Variants in RBBP6 observed in about 807,000 individuals in gnomAD.
RBBP6 encodes the protein RB binding protein 6, ubiquitin ligase.
In RBBP6, 25 loss-of-function variants were observed where a neutral mutation model predicts 167.7. The ratio of observed to expected loss-of-function variants is 0.15; its 90% CI spans 0.11 to 0.21. The LOEUF (loss-of-function observed/expected upper bound fraction) is 0.21. RBBP6 is among the 10% of genes least tolerant of loss of function. The pLI, the probability that RBBP6 is intolerant of heterozygous loss-of-function variation, is 1.00. For missense variants in RBBP6, 1,868 were observed against 2,134.2 expected (o/e 0.88, Z 2.46); for synonymous variants, 789 against 735.8 (o/e 1.07, Z -1.17).
chr16:24,570,868 CT>C lies in RBBP6; in HGVS notation c.3810-3del, dbSNP rs1299215272. On this transcript the variant is annotated splice_region_variant and splice_polypyrimidine_tract_variant and intron_variant, in intron 17 of 17. Coordinates refer to ENST00000319715, the MANE Select transcript of RBBP6 (RefSeq NM_006910.5). ...CATTAATTAAAAATATTTTGTTATT[CT>C]TTTTAGTACGAGCTCAACTGGAGGC... is the stretch of plus-strand genomic sequence containing the variant. 7.0e-7 allele frequency: 1 copy of C among 1,428,538 alleles called. No homozygotes were observed. Among genetic ancestry groups the C allele is most frequent in the African/African-American group, 1.4e-5 (1 of 69,048 alleles). 88.5% of individuals were successfully genotyped at this position (1,428,538 alleles called of 1,614,324 possible). A position where few individuals can be genotyped will look rare whatever the true frequency, so the allele number is the denominator to read the frequency against.
At chr16:24,555,442 A>G (rs1248606239) in intron 4 of RBBP6, 173 bp from the exon 5 acceptor site, 5 of 570,052 alleles carry the variant, frequency 8.8e-6, no homozygotes, top group African/African-American at 7.6e-5. Context: ...CCTAAACATC[A>G]TGTAATTACC....
At chr16:24,553,810 T>TC in intron 4 of RBBP6, 2 of 252,816 alleles carry the variant, frequency 7.9e-6, no homozygotes, top group Admixed American at 5.3e-5. Context: ...TTATTTTTTT[T>TC]CCCTCATACA....
chr16:24,570,086 G>A lies in RBBP6; in HGVS notation c.3396G>A (p.Lys1132=), dbSNP rs758077429. 1.6e-5 allele frequency: 26 copies of A among 1,605,286 alleles called. No individual in the cohort carries two copies. The Admixed American group carries it at 4.2e-4, about 26-fold the overall frequency. ...KLTTKEEKAK[K]PNEKNKPLDN... Reference sequence around the variant, plus strand: ...CAACTAAGGAAGAAAAGGCCAAGAAGCCTAATGAGAAAAACAAACCACTTG... The same window carrying A: ...CAACTAAGGAAGAAAAGGCCAAGAAACCTAATGAGAAAAACAAACCACTTG... Residue 1132 remains lysine, a synonymous_variant, in exon 17 of 18, where the codon AAG becomes AAA. Coordinates refer to ENST00000319715, the MANE Select transcript of RBBP6 (RefSeq NM_006910.5).
At chr16:24,564,988 C>T (rs1360972669) in intron 14 of RBBP6, 123 bp downstream of exon 14, 7 of 1,399,622 alleles carry the variant, frequency 5.0e-6, no homozygotes, top group Non-Finnish European at 6.5e-6. Flanking sequence ...TGTGCTTATC[C>T]CTCTTAAGTC....
At chr16:24,560,266 C>A (rs2141469879) in intron 8 of RBBP6, among the ~76,000 whole-genome samples, 1 of 152,150 alleles carries the variant, frequency 6.6e-6, no homozygotes, top group Admixed American at 6.5e-5. Context: ...GCCACCACAC[C>A]CGGCTAATGT....
chr16:24,567,407 A>C lies in RBBP6; in HGVS notation c.1854A>C (p.Ser618=). ...PANLSTPWVS[S]GVQTAHSNTI... ...ATTTATCAACACCTTGGGTATCATC[A>C]GGAGTGCAGACAGCTCATTCAAATA... The change falls in exon 15 of 18, where the codon TCA becomes TCC. Residue 618 remains serine, a synonymous_variant. Coordinates refer to ENST00000319715, the MANE Select transcript of RBBP6 (RefSeq NM_006910.5). The C allele has an allele frequency of 6.2e-7, 1 of 1,614,202 alleles. No individual in the cohort carries two copies. The highest frequency in any genetic ancestry group is 1.6e-4 in the Middle Eastern group (1 of 6,062).
chr16:24,547,837 A>G (rs996842554), intron 2 of RBBP6, among the ~76,000 whole-genome samples: 5 of 152,226 alleles, frequency 3.3e-5, no homozygotes, highest in East Asian at 1.9e-4. Flanking sequence ...TGCTTTTTAA[A>G]AAATGGCAAA....
Position 24,563,610 on chromosome 16 carries a change from G to A in RBBP6, c.1466G>A (p.Gly489Asp). The A allele has an allele frequency of 6.2e-7, 1 of 1,611,628 alleles. No homozygotes were observed. The highest frequency in any genetic ancestry group is 8.5e-7 in the Non-Finnish European group (1 of 1,179,442). Reference protein sequence around the residue: ...LLHGQLIPTTGPVRINTARPG... With the variant: ...LLHGQLIPTTDPVRINTARPG... ...TACTGCTTTTATTTTTTGTTTCTAG[G>A]TCCAGTAAGAATAAATACTGCTCGT... Residue 489 changes from glycine (G) to aspartate (D), a missense_variant and splice_region_variant, in exon 13 of 18, where the codon GGT becomes GAT. Physicochemically the swap from Gly to Asp is moderately conservative, Grantham distance 94 (BLOSUM62 -1). This residue lies in a region of RBBP6 where 245 missense variants were observed against 240.1 expected (regional missense o/e 1.02). Transcript: ENST00000319715.
At chr16:24,557,764 C>T (rs1330276522) in intron 7 of RBBP6, among the ~76,000 whole-genome samples, 1 of 152,192 alleles carries the variant, frequency 6.6e-6, no homozygotes, top group Non-Finnish European at 1.5e-5. Flanking sequence ...AACAGTTCCT[C>T]AGCTTCATGC....
intron 2 of RBBP6, among the ~76,000 whole-genome samples, chr16:24,547,840 A>T (rs1898696115): frequency 6.6e-6 from 1 of 152,232 alleles, no homozygotes; most frequent in Non-Finnish European, 1.5e-5. Context: ...TTTTTAAAAA[A>T]TGGCAAATGT....
intron 3 of RBBP6, chr16:24,553,305 C>T (rs931601380): frequency 4.3e-5 from 20 of 460,000 alleles, no homozygotes; most frequent in Non-Finnish European, 7.9e-5. Context: ...TCCCCTCTTC[C>T]TCCCCTCCAA....
At chr16:24,542,385 C>G (rs1898522124) in intron 1 of RBBP6, among the ~76,000 whole-genome samples, 1 of 151,798 alleles carries the variant, frequency 6.6e-6, no homozygotes, top group Non-Finnish European at 1.5e-5. Flanking sequence ...TCATATTTTA[C>G]TGGAGTATTA....
chr16:24,539,914 C>A lies in RBBP6; in HGVS notation c.-713C>A. The A allele has an allele frequency of 6.5e-6, 1 of 153,174 alleles. No individual in the cohort carries two copies. Among genetic ancestry groups the A allele is most frequent in the South Asian group, 1.8e-4 (1 of 5,588 alleles). The allele number at this position is 153,174 out of a possible 1,614,324, so 9.5% of individuals were successfully genotyped here. On this transcript the variant is annotated 5_prime_UTR_variant, in exon 1 of 18. Coordinates refer to ENST00000319715, the MANE Select transcript of RBBP6 (RefSeq NM_006910.5). ...CGAGGCCTAGCGCCGGCTTTGTGTC[C>A]GAGGCGGCGGCGGCGGCGGGGGGAG...
Position 24,570,977 on chromosome 16 carries a change from C to T in RBBP6, c.3911C>T (p.Thr1304Ile). ...ATGGAAGAATATAATAATGACAATA[C>T]CGCGCCAGCTGAAGATGTTATCATT... ...KTMEEYNNDN[T>I]APAEDVIIMI... The change falls in exon 18 of 18, where the codon ACC becomes ATC. Residue 1304 changes from threonine (T) to isoleucine (I), a missense_variant. Physicochemically the swap from Thr to Ile is moderately conservative, Grantham distance 89. Around this residue, in one of 7 missense-constraint regions of RBBP6, gnomAD observed 19 missense variants for 40.5 expected, o/e 0.47. Coordinates refer to ENST00000319715, the MANE Select transcript of RBBP6 (RefSeq NM_006910.5). 1.9e-6 allele frequency: 3 copies of T among 1,611,662 alleles called. No individual in the cohort carries two copies. Among genetic ancestry groups the T allele is most frequent in the South Asian group, 1.1e-5 (1 of 90,912 alleles).
chr16:24,545,793 A>G (rs1898630521), intron 1 of RBBP6, among the ~76,000 whole-genome samples: 1 of 152,252 alleles, frequency 6.6e-6, no homozygotes, highest in African/African-American at 2.4e-5. Context: ...CAGGGATTGT[A>G]ATACTCAACT....
chr16:24,569,264 GA>G lies in RBBP6; in HGVS notation c.2576del (p.Asn859ThrfsTer36). On this transcript the variant is annotated frameshift_variant, in exon 17 of 18. Transcript: ENST00000319715. LOFTEE classifies it high-confidence loss of function. Reference sequence around the variant, plus strand: ...AGCCTAGACCCTCAGCAAATAGAGAGAACTTTTCTCCAGAGAGATTTTTGCC... The same window carrying G: ...AGCCTAGACCCTCAGCAAATAGAGAGACTTTTCTCCAGAGAGATTTTTGCC... ...AQPRPSANRE[N>X]FSPERFLPLN... is the part of the protein sequence containing the mutation. 1 of 1,612,278 alleles carries G rather than the reference GA, an allele frequency of 6.2e-7. No individual in the cohort carries two copies. The highest frequency in any genetic ancestry group is 8.5e-7 in the Non-Finnish European group (1 of 1,179,620).
At chr16:24,562,188 G>C in intron 10 of RBBP6, 27 bp downstream of exon 10, 1 of 1,543,144 alleles carries the variant, frequency 6.5e-7, no homozygotes, top group Non-Finnish European at 8.9e-7. Flanking sequence ...TTCACTGTTA[G>C]AAACCAAATG....
intron 1 of RBBP6, among the ~76,000 whole-genome samples, chr16:24,543,125 C>G (rs191325766): frequency 1.2e-4 from 19 of 152,068 alleles, no homozygotes; most frequent in Admixed American, 2.6e-4. Context: ...GTTTTAGCAC[C>G]GATATTCAAC....
Position 24,572,483 on chromosome 16 carries a change from A to ATC in RBBP6, c.*40_*41dup, listed in dbSNP as rs1408863072. On this transcript the variant is annotated 3_prime_UTR_variant, in exon 18 of 18. Transcript: ENST00000319715. ...TTTAAATTGACTTAATTACTAAGTC[A>ATC]TCTGTATTAAATTTTGTTATAATGT... is the stretch of plus-strand genomic sequence containing the variant. The ATC allele has an allele frequency of 8.7e-6, 13 of 1,492,572 alleles. No individual in the cohort carries two copies. 92.5% of individuals were successfully genotyped at this position (1,492,572 alleles called of 1,614,324 possible).
Sources: allele counts gnomAD v4.1 joint callset (sites outside exome capture counted in the v4.1 genomes callset), GRCh38; gene constraint gnomAD v4.1.1; regional missense constraint gnomAD v4.1.1; transcripts MANE v1.5; gene names NCBI Gene and HGNC (gene_info 2026-07-23, HGNC 2026-07-21).